The following AMZ1 variants were observed in gnomAD, a reference collection of about 807,000 sequenced individuals.
The protein encoded by AMZ1 is archaemetzincin-1.
AMZ1 carries 39 observed loss-of-function variants against 29.9 expected under a neutral mutation model. That is an observed-to-expected ratio of 1.30 (90% CI 1.01 to 1.70). The LOEUF (loss-of-function observed/expected upper bound fraction) is 1.70. Among genes scored for constraint, AMZ1 ranks in the 40% most tolerant of loss-of-function variants. AMZ1 has a pLI of 0.00. For missense variants in AMZ1, 1,041 were observed against 680.6 expected (o/e 1.53, Z -5.89); for synonymous variants, 458 against 304.0 (o/e 1.51, Z -5.27).
intron 3 of AMZ1, among the ~76,000 whole-genome samples, chr7:2,706,325 C>G (rs1412191639): frequency 6.6e-6 from 1 of 152,190 alleles, no homozygotes; most frequent in Non-Finnish European, 1.5e-5. Flanking sequence ...TGCCATCACA[C>G]CTGGCTAATT....
At chr7:2,727,189 C>G (rs1789656148) in intron 4 of AMZ1, among the ~76,000 whole-genome samples, 1 of 152,176 alleles carries the variant, frequency 6.6e-6, no homozygotes, top group Admixed American at 6.5e-5. Context: ...TCAAGCGATT[C>G]TCCTGCCTCT....
chr7:2,736,745 C>T lies in AMZ1; in HGVS notation n.550+26929C>T, dbSNP rs1026230058. On this transcript the variant is annotated intron_variant and non_coding_transcript_variant, in intron 4 of 4. Coordinates refer to the AMZ1 transcript ENST00000489665. ...CTCCGGTGGGAGAAAGACACACGCT[C>T]GGCTTGCTGCCGCTCAGAACTCCGT... 5.3e-5 allele frequency among the ~76,000 whole-genome samples: 8 copies of T among 152,226 alleles called. No homozygotes were observed. In the East Asian group the frequency reaches 9.6e-4, roughly 18 times the overall value.
chr7:2,709,817 G>T lies in AMZ1; in HGVS notation c.948+1G>T, dbSNP rs762338362. ...TTTCAGGCTCATCGAGAGGTACCAGGTGAGTGGCTGAGTTGCGCTGCCCGG... is the reference window on the plus strand; with the variant it reads ...TTTCAGGCTCATCGAGAGGTACCAGTTGAGTGGCTGAGTTGCGCTGCCCGG... On this transcript the variant is annotated splice_donor_variant, in intron 6 of 6. Coordinates refer to ENST00000683327, the MANE Select transcript of AMZ1 (RefSeq NM_001384743.1). LOFTEE classifies it high-confidence loss of function. 12 of 1,611,572 alleles carry T rather than the reference G, an allele frequency of 7.4e-6. No homozygotes were observed. Among genetic ancestry groups the T allele is most frequent in the Admixed American group, 1.7e-5 (1 of 59,908 alleles).
At position 2,711,773 on chromosome 7, in the gene AMZ1, G is replaced by A. The variant is rs138259439; in HGVS notation, c.949-557G>A. Among the ~76,000 whole-genome samples, 843 of 152,260 alleles carry A rather than the reference G, an allele frequency of 5.5e-3. 11 individuals carry two copies. Among genetic ancestry groups the A allele is most frequent in the African/African-American group, 0.019 (802 of 41,544 alleles). ...ATTATACGCTTTCTGGGTGGGTGCC[G>A]TGGCTCACACCTGTAATCCCAGCAC... is the stretch of plus-strand genomic sequence containing the variant. On this transcript the variant is annotated intron_variant, in intron 6 of 6. Coordinates refer to ENST00000683327, the MANE Select transcript of AMZ1 (RefSeq NM_001384743.1).
chr7:2,748,524 G>A (rs1647844048), intron 4 of AMZ1, among the ~76,000 whole-genome samples: 1 of 152,030 alleles, frequency 6.6e-6, no homozygotes, highest in South Asian at 2.1e-4. Context: ...ATGGATTAAA[G>A]ACTTAAATGT....
intron 4 of AMZ1, among the ~76,000 whole-genome samples, chr7:2,735,169 G>A (rs1048101522): frequency 1.1e-4 from 16 of 152,276 alleles, no homozygotes; most frequent in African/African-American, 3.9e-4. Flanking sequence ...GCCTCCTCCT[G>A]CTCTCCTGCC....
chr7:2,710,752 G>A (rs1788721065), intron 6 of AMZ1, among the ~76,000 whole-genome samples: 1 of 152,228 alleles, frequency 6.6e-6, no homozygotes, highest in Non-Finnish European at 1.5e-5. Flanking sequence ...CAAGTGTAAG[G>A]AGAAGAGCCT....
Position 2,698,595 on chromosome 7 carries a change from G to A in AMZ1, c.-218-1639G>A, listed in dbSNP as rs544144898. On this transcript the variant is annotated intron_variant, in intron 1 of 6. Transcript: ENST00000683327. ...CTGTGTGCAGTGGCTGACGCACTTT[G>A]GGAGGTTGAGGAGAGAGGATTGCTT... Among the ~76,000 whole-genome samples the A allele has an allele frequency of 1.1e-4, 17 of 152,124 alleles. No homozygotes were observed. In the South Asian group the frequency reaches 3.1e-3, roughly 28 times the overall value.
At position 2,691,508 on chromosome 7, in the gene AMZ1, C is replaced by T. The variant is rs537419635; in HGVS notation, c.-219+3212C>T. Among the ~76,000 whole-genome samples, 35 of 148,410 alleles carry T rather than the reference C, an allele frequency of 2.4e-4. 1 individual carries two copies. The highest frequency in any genetic ancestry group is 4.6e-4 in the Admixed American group (7 of 15,120). On this transcript the variant is annotated intron_variant, in intron 1 of 6. Transcript: ENST00000683327. ...ATATAATCCCAGCACTTCGGGAGGC[C>T]GAGGCGGGTGGATCACAAGGTCAGG...
At chr7:2,745,760 G>A (rs1790734972) in intron 4 of AMZ1, among the ~76,000 whole-genome samples, 1 of 152,178 alleles carries the variant, frequency 6.6e-6, no homozygotes. Context: ...TCAGTGTGCT[G>A]TATTCAGGAA....
intron 4 of AMZ1, among the ~76,000 whole-genome samples, chr7:2,744,510 C>G (rs569619766): frequency 7.9e-5 from 12 of 152,238 alleles, no homozygotes; most frequent in Non-Finnish European, 1.6e-4. Flanking sequence ...ACACCAAAAA[C>G]CCATCTGTAC....
At chr7:2,728,248 T>C (rs1789709792) in intron 4 of AMZ1, 1 of 152,318 alleles carries the variant, frequency 6.6e-6, no homozygotes, top group Admixed American at 6.5e-5. Flanking sequence ...ACCACTACCA[T>C]TCCAATGGGA....
rs1380737865 is a variant in AMZ1, at chr7:2,718,920, A to G, written c.*6042A>G. 3.3e-5 allele frequency among the ~76,000 whole-genome samples: 5 copies of G among 152,086 alleles called. No individual in the cohort carries two copies. Among genetic ancestry groups the G allele is most frequent in the African/African-American group, 1.2e-4 (5 of 41,416 alleles). On this transcript the variant is annotated 3_prime_UTR_variant, in exon 7 of 7. Transcript: ENST00000683327. The stretch of plus-strand genomic sequence containing the variant: ...CACGCTTTTCTCAGGGTCGCTTAAC[A>G]CAGGCAGGGGTACAGGAGAGCTCCG...
chr7:2,714,377 T>TCCCG lies in AMZ1; in HGVS notation c.*1500_*1503dup, dbSNP rs1788996621. ...ACATTGGTGGAGGCCGACTGAAGGC[T>TCCCG]CCCGGTCCTGGTCCCACTCCGTGTT... On this transcript the variant is annotated 3_prime_UTR_variant, in exon 7 of 7. Transcript: ENST00000683327. 6.6e-6 allele frequency: 1 copy of TCCCG among 152,338 alleles called. No homozygotes were observed. The highest frequency in any genetic ancestry group is 6.5e-5 in the Admixed American group (1 of 15,272). The allele number at this position is 152,338 out of a possible 1,614,324, so 9.4% of individuals were successfully genotyped here. A position where few individuals can be genotyped will look rare whatever the true frequency, so the allele number is the denominator to read the frequency against.
intron 4 of AMZ1, among the ~76,000 whole-genome samples, chr7:2,750,433 C>T (rs958050441): frequency 2.0e-5 from 3 of 152,234 alleles, no homozygotes; most frequent in African/African-American, 7.2e-5. Context: ...CATGCTGAGA[C>T]CTCAGTGGAT....
chr7:2,689,900 AG>A (rs1167152428), intron 1 of AMZ1, among the ~76,000 whole-genome samples: 1 of 152,188 alleles, frequency 6.6e-6, no homozygotes, highest in Non-Finnish European at 1.5e-5. Context: ...GGGTACCCCC[AG>A]GGCTCACATG....
rs1789185529 is a variant in AMZ1 at position 2,717,311 on chromosome 7, A to C, written c.*4433A>C. ...GAATCAGGGCTTCGCGACGGGGCTCATAGACCTGAACTGGGTCTGCCTGCC... is the reference window on the plus strand; with the variant it reads ...GAATCAGGGCTTCGCGACGGGGCTCCTAGACCTGAACTGGGTCTGCCTGCC... On this transcript the variant is annotated 3_prime_UTR_variant, in exon 7 of 7. Coordinates refer to ENST00000683327, the MANE Select transcript of AMZ1 (RefSeq NM_001384743.1). Among the ~76,000 whole-genome samples, 1 of 149,546 alleles carries C rather than the reference A, an allele frequency of 6.7e-6. No homozygotes were observed. The highest frequency in any genetic ancestry group is 2.1e-4 in the South Asian group (1 of 4,834).
At chr7:2,682,361 C>T (rs1786913715) in intron 1 of AMZ1, among the ~76,000 whole-genome samples, 1 of 152,200 alleles carries the variant, frequency 6.6e-6, no homozygotes, top group Admixed American at 6.5e-5. Context: ...GGTGGGCCCC[C>T]AGCACACAGT....
At chr7:2,709,365 G>A (rs798568) in intron 5 of AMZ1, 121 bp downstream of exon 5, 27,769 of 1,162,200 alleles carry the variant, frequency 0.024, 415 homozygotes, top group Non-Finnish European at 0.028. Flanking sequence ...TAACTCTATG[G>A]AATGAGGAAA....
Sources: allele counts gnomAD v4.1 joint callset (sites outside exome capture counted in the v4.1 genomes callset), GRCh38; gene constraint gnomAD v4.1.1; transcripts MANE v1.5; gene names NCBI Gene and HGNC (gene_info 2026-07-23, HGNC 2026-07-21).